CPS1: variants seen among roughly 807,000 people sequenced by gnomAD.
CPS1 encodes the protein carbamoyl-phosphate synthase 1.
Under a neutral mutation model 174.6 loss-of-function variants are expected in CPS1, and 109 were observed. The observed-to-expected ratio is 0.62, with a 90% CI of 0.53 to 0.73. CPS1 has a LOEUF of 0.73. CPS1 is among the 30% of genes least tolerant of loss of function. CPS1 has a pLI of 0.00. For synonymous variants in CPS1, 637 were observed against 632.0 expected, an observed-to-expected ratio of 1.01 and a Z score of -0.12; for missense variants, 1,689 against 1,821.9, an observed-to-expected ratio of 0.93 and a Z score of 1.33.
intron 1 of CPS1, among the ~76,000 whole-genome samples, chr2:210,537,959 A>C (rs148394894): frequency 1.4e-4 from 21 of 152,210 alleles, no homozygotes; most frequent in African/African-American, 4.1e-4. Flanking sequence ...TATACAGATC[A>C]GGTATCATGC....
chr2:210,639,379 G>A (rs1049586437), intron 23 of CPS1, among the ~76,000 whole-genome samples, 164 bp downstream of exon 23: 4 of 151,840 alleles, frequency 2.6e-5, no homozygotes, highest in South Asian at 2.1e-4. Context: ...TTGGGAGGCC[G>A]AGGCGGGTGG....
chr2:210,592,087 A>G (rs1478590724), intron 10 of CPS1, 118 bp downstream of exon 10: 1 of 1,147,460 alleles, frequency 8.7e-7, no homozygotes, highest in Non-Finnish European at 1.2e-6. Flanking sequence ...TGATACATGC[A>G]TATCATATGT....
chr2:210,676,241 A>G (rs1199731412), intron 36 of CPS1, among the ~76,000 whole-genome samples: 1 of 152,228 alleles, frequency 6.6e-6, no homozygotes, highest in African/African-American at 2.4e-5. Context: ...ACAGGAACCT[A>G]TGTTGAGTAC....
chr2:210,510,181 C>A (rs369914649), intron 1 of CPS1, among the ~76,000 whole-genome samples: 9 of 152,102 alleles, frequency 5.9e-5, no homozygotes, highest in South Asian at 2.1e-4. Flanking sequence ...AAACAGAGAT[C>A]TAGACCAATG....
chr2:210,623,615 T>C (rs968706979), intron 21 of CPS1, among the ~76,000 whole-genome samples: 16 of 152,144 alleles, frequency 1.1e-4, no homozygotes, highest in Non-Finnish European at 1.5e-4. Flanking sequence ...GGCGTGCCTA[T>C]TGCTTAGGAA....
intron 4 of CPS1, 55 bp from the exon 5 acceptor site, chr2:210,579,659 T>C: frequency 7.2e-7 from 1 of 1,395,552 alleles, no homozygotes; most frequent in Non-Finnish European, 1.0e-6. Context: ...TTGAAAACAA[T>C]ATGCTGGATT....
At chr2:210,631,516 CCA>C (rs1367701751) in intron 21 of CPS1, among the ~76,000 whole-genome samples, 1 of 152,136 alleles carries the variant, frequency 6.6e-6, no homozygotes, top group Non-Finnish European at 1.5e-5. Flanking sequence ...TGCTGTCTCA[CCA>C]TTAAAAGATT....
intron 35 of CPS1, 145 bp from the exon 36 acceptor site, chr2:210,675,583 G>A: frequency 1.4e-6 from 1 of 699,894 alleles, no homozygotes; most frequent in South Asian, 1.5e-5. Flanking sequence ...CCATGCCTCT[G>A]GACTGTGAGT....
At position 210,654,059 on chromosome 2, in the gene CPS1, G is replaced by T; in HGVS notation, c.3515G>T (p.Gly1172Val). Reference sequence around the variant, plus strand: ...GTGGTGCTGACAAAATTTGTTGAAGGGGCCCGAGAAGTAGAAATGGACGCT... The same window carrying T: ...GTGGTGCTGACAAAATTTGTTGAAGTGGCCCGAGAAGTAGAAATGGACGCT... Reference protein sequence around the residue: ...HPVVLTKFVEGAREVEMDAVG... With the variant: ...HPVVLTKFVEVAREVEMDAVG... The change falls in exon 29 of 38, where the codon GGG becomes GTG. Residue 1172 changes from glycine to valine, a missense_variant. Gly to Val is a moderately radical substitution (Grantham distance 109). Transcript: ENST00000233072. 3 of 1,614,034 alleles carry T rather than the reference G, an allele frequency of 1.9e-6. No individual in the cohort carries two copies. Among genetic ancestry groups the T allele is most frequent in the Non-Finnish European group, 2.5e-6 (3 of 1,179,922 alleles).
chr2:210,485,879 C>T (rs1694702436), intron 1 of CPS1, among the ~76,000 whole-genome samples: 1 of 151,904 alleles, frequency 6.6e-6, no homozygotes, highest in Non-Finnish European at 1.5e-5. Context: ...TTCACATTCC[C>T]ACCAGCAGTT....
rs1463824621 is a variant in CPS1, at chr2:210,600,700, T to G, written c.1695T>G (p.Phe565Leu). The G allele has an allele frequency of 2.5e-6, 4 of 1,612,024 alleles. No homozygotes were observed. The highest frequency in any genetic ancestry group is 2.5e-6 in the Non-Finnish European group (3 of 1,178,616). ...TCAATGAAAAGATTGCTCCAAGTTT[T>G]GCAGTGGAATCGGTAAGGATTCTTT... ...NEINEKIAPS[F>L]AVESIEDALK... The change falls in exon 15 of 38, where the codon TTT becomes TTG. Residue 565 changes from phenylalanine to leucine, a missense_variant. Physicochemically the swap from Phe to Leu is conservative, Grantham distance 22. Coordinates refer to ENST00000233072, the MANE Select transcript of CPS1 (RefSeq NM_001875.5).
At chr2:210,509,726 T>A (rs568031668) in intron 1 of CPS1, among the ~76,000 whole-genome samples, 3 of 152,054 alleles carry the variant, frequency 2.0e-5, no homozygotes, top group South Asian at 4.1e-4. Flanking sequence ...AGCATTCTTA[T>A]ACCATTAGCA....
At chr2:210,661,771 TTTC>T (rs1490452007) in intron 32 of CPS1, among the ~76,000 whole-genome samples, 8 of 152,138 alleles carry the variant, frequency 5.3e-5, no homozygotes, top group African/African-American at 1.9e-4. Flanking sequence ...AAAATATTTT[TTTC>T]CACTGGAGAT....
At chr2:210,502,253 TC>T (rs1695158551) in intron 1 of CPS1, among the ~76,000 whole-genome samples, 1 of 151,858 alleles carries the variant, frequency 6.6e-6, no homozygotes, top group Non-Finnish European at 1.5e-5. Flanking sequence ...ATTTTCCTTC[TC>T]GAATTAATGC....
At chr2:210,666,168 G>C (rs1387219614) in intron 33 of CPS1, among the ~76,000 whole-genome samples, 2 of 151,592 alleles carry the variant, frequency 1.3e-5, no homozygotes, top group Non-Finnish European at 2.9e-5. Flanking sequence ...CTTTTTGATG[G>C]GGTTGTTTGT....
chr2:210,571,844 C>T (rs1697500318), intron 1 of CPS1, among the ~76,000 whole-genome samples: 1 of 146,520 alleles, frequency 6.8e-6, no homozygotes, highest in Non-Finnish European at 1.5e-5. Flanking sequence ...GTTCCTGCTG[C>T]CTACTAAAGT....
intron 16 of CPS1, among the ~76,000 whole-genome samples, chr2:210,603,937 A>T (rs879394017): frequency 2.0e-5 from 3 of 151,982 alleles, no homozygotes; most frequent in Non-Finnish European, 4.4e-5. Flanking sequence ...AATAAAAATA[A>T]GCTGAGGAAA....
chr2:210,630,318 A>G (rs1321932875), intron 21 of CPS1, among the ~76,000 whole-genome samples: 1 of 152,206 alleles, frequency 6.6e-6, no homozygotes, highest in Non-Finnish European at 1.5e-5. Flanking sequence ...AAAGAACAGG[A>G]AATTCAGAAA....
In CPS1 at chr2:210,653,875, A is replaced by C. The variant is rs561086554; in HGVS notation, c.3481-150A>C. On this transcript the variant is annotated intron_variant, in intron 28 of 37. Coordinates refer to ENST00000233072, the MANE Select transcript of CPS1 (RefSeq NM_001875.5). ...GAACAACCTTGTTCTTACAGCACAG[A>C]TTAGGTAATGAGTTTATGTAGTTAT... 26 of 692,432 alleles carry C rather than the reference A, an allele frequency of 3.8e-5. No individual in the cohort carries two copies. The African/African-American group carries it at 4.4e-4, about 12-fold the overall frequency. The allele number at this position is 692,432 out of a possible 1,614,324, so 42.9% of individuals were successfully genotyped here. A position where few individuals can be genotyped will look rare whatever the true frequency, so the allele number is the denominator to read the frequency against.
Sources: allele counts gnomAD v4.1 joint callset (sites outside exome capture counted in the v4.1 genomes callset), GRCh38; gene constraint gnomAD v4.1.1; transcripts MANE v1.5; gene names NCBI Gene and HGNC (gene_info 2026-07-23, HGNC 2026-07-21).